The following DDX43 variants were observed in gnomAD, a reference collection of about 807,000 sequenced individuals.
DDX43 encodes the protein DEAD-box helicase 43, also known as probable ATP-dependent RNA helicase DDX43.
DDX43 carries 50 observed loss-of-function variants against 84.9 expected under a neutral mutation model. The observed-to-expected ratio is 0.59, with a 90% CI of 0.47 to 0.75. DDX43 has a LOEUF of 0.75. Ranked by LOEUF, DDX43 falls within the 30% of genes least tolerant of loss-of-function variation. The pLI, the probability that DDX43 is intolerant of heterozygous loss-of-function variation, is 0.00. For synonymous variants in DDX43, 291 were observed against 266.3 expected, an observed-to-expected ratio of 1.09 and a Z score of -0.90; for missense variants, 689 against 798.6, an observed-to-expected ratio of 0.86 and a Z score of 1.65.
At chr6:73,416,984 AG>A (rs1027599029) in intron 16 of DDX43, among the ~76,000 whole-genome samples, 1 of 152,184 alleles carries the variant, frequency 6.6e-6, no homozygotes, top group African/African-American at 2.4e-5. Flanking sequence ...GGTTGCAGTG[AG>A]GTGAGATCGG....
In DDX43 at chr6:73,413,966, T is replaced by C; in HGVS notation, c.1497-4T>C. On this transcript the variant is annotated splice_polypyrimidine_tract_variant and splice_region_variant and intron_variant, in intron 12 of 16. Coordinates refer to ENST00000370336, the MANE Select transcript of DDX43 (RefSeq NM_018665.3). ...AAGAATGCTGAGTTTATCTTTTGCT[T>C]CAGTGCGGATCACTTATCAAGTGAC... is the stretch of plus-strand genomic sequence containing the variant. The C allele has an allele frequency of 6.3e-7, 1 of 1,597,946 alleles. No homozygotes were observed.
chr6:73,409,438 TA>T, intron 10 of DDX43, 90 bp downstream of exon 10: 1 of 1,031,414 alleles, frequency 9.7e-7, no homozygotes, highest in Non-Finnish European at 1.5e-6. Context: ...ATTTGAGCAT[TA>T]CTTGGAAGTG....
intron 7 of DDX43, 127 bp from the exon 8 acceptor site, chr6:73,407,378 C>CA: frequency 1.5e-6 from 1 of 648,356 alleles, no homozygotes; most frequent in Non-Finnish European, 2.7e-6. Flanking sequence ...CTTGGCCTCC[C>CA]AAAGTGCTGA....
At chr6:73,397,388 TGTTGA>T (rs1408729868) in intron 1 of DDX43, among the ~76,000 whole-genome samples, 2 of 152,336 alleles carry the variant, frequency 1.3e-5, no homozygotes, top group South Asian at 2.1e-4. Context: ...AAAACTTATT[TGTTGA>T]GTTGTATGAA....
chr6:73,412,291 T>G lies in DDX43; in HGVS notation c.1367T>G (p.Val456Gly), dbSNP rs200791893. 1.3e-6 allele frequency: 2 copies of G among 1,598,132 alleles called. No individual in the cohort carries two copies. Among genetic ancestry groups the G allele is most frequent in the Admixed American group, 1.8e-5 (1 of 55,548 alleles). ...MIVYVGTLDLVAVSSVKQNII... is the reference protein window; with the variant it reads ...MIVYVGTLDLGAVSSVKQNII... The stretch of plus-strand genomic sequence containing the variant: ...GTCTATGTTGGTACATTGGATCTAG[T>G]TGTAAGCTTTTTTTTATTACTATTG... Residue 456 changes from valine (V) to glycine (G), a missense_variant and splice_region_variant, in exon 11 of 17, where the codon GTT (valine) becomes GGT (glycine). By Grantham distance (109) the Val-to-Gly change is moderately radical. Transcript: ENST00000370336.
In DDX43 at chr6:73,394,895, T is replaced by C. The variant is rs1769429372; in HGVS notation, c.-11T>C. The stretch of plus-strand genomic sequence containing the variant: ...ACGGCAACGACGTCGGACGCGCCCC[T>C]TCTTGGAACAATGTCCCACCACGGA... On this transcript the variant is annotated 5_prime_UTR_variant, in exon 1 of 17. Coordinates refer to ENST00000370336, the MANE Select transcript of DDX43 (RefSeq NM_018665.3). 1 of 1,613,542 alleles carries C rather than the reference T, an allele frequency of 6.2e-7. No homozygotes were observed. Among genetic ancestry groups the C allele is most frequent in the Non-Finnish European group, 8.5e-7 (1 of 1,179,662 alleles).
At chr6:73,395,805 T>G (rs1272865865) in intron 1 of DDX43, among the ~76,000 whole-genome samples, 1 of 152,020 alleles carries the variant, frequency 6.6e-6, no homozygotes, top group East Asian at 1.9e-4. Flanking sequence ...ATGAGTACCA[T>G]TTAGAGCCAG....
At chr6:73,405,909 C>A in intron 6 of DDX43, 74 bp downstream of exon 6, 2 of 1,365,992 alleles carry the variant, frequency 1.5e-6, no homozygotes, top group South Asian at 1.4e-5. Flanking sequence ...TGTTAGAAGA[C>A]TCCAGGGAGC....
chr6:73,412,257 C>G lies in DDX43; in HGVS notation c.1333C>G (p.Pro445Ala). ...CCTCGCACAATCTTATTTGAAAGAA[C>G]CAATGATTGTCTATGTTGGTACATT... Reference protein sequence around the residue: ...HRLAQSYLKEPMIVYVGTLDL... With the variant: ...HRLAQSYLKEAMIVYVGTLDL... Residue 445 changes from proline to alanine, a missense_variant, in exon 11 of 17, where the codon CCA (proline) becomes GCA (alanine). Around this residue, in one of 2 missense-constraint regions of DDX43, gnomAD observed 552 missense variants for 692.7 expected, o/e 0.80. Transcript: ENST00000370336. The G allele has an allele frequency of 6.2e-7, 1 of 1,613,652 alleles. No homozygotes were observed. Among genetic ancestry groups the G allele is most frequent in the Non-Finnish European group, 8.5e-7 (1 of 1,179,844 alleles).
rs576594046 is a variant in DDX43, at chr6:73,412,677, G to A, written c.1368+385G>A. 3.7e-3 allele frequency among the ~76,000 whole-genome samples: 421 copies of A among 114,764 alleles called. 8 individuals are homozygous for A. Among genetic ancestry groups the A allele is most frequent in the Non-Finnish European group, 6.1e-3 (313 of 51,310 alleles). The allele number at this position is 114,764 out of a possible 152,430, so 75.3% of individuals were successfully genotyped here. ...TGTGTGTGTGTGTGTGTGCGCGCGC[G>A]CGTGTGTGTGTGTGCGCGTGCGTGC... On this transcript the variant is annotated intron_variant, in intron 11 of 16. Coordinates refer to ENST00000370336, the MANE Select transcript of DDX43 (RefSeq NM_018665.3).
intron 10 of DDX43, among the ~76,000 whole-genome samples, chr6:73,411,248 T>C (rs773939509): frequency 6.6e-6 from 1 of 150,426 alleles, no homozygotes; most frequent in Non-Finnish European, 1.5e-5. Flanking sequence ...CTATGAAAAA[T>C]TGGAATTTTT....
chr6:73,397,302 A>G lies in DDX43; in HGVS notation c.251-387A>G, dbSNP rs571052515. On this transcript the variant is annotated intron_variant, in intron 1 of 16. Transcript: ENST00000370336. The stretch of plus-strand genomic sequence containing the variant: ...TCGATTTGCGTGGACCTGATTAGTG[A>G]TGTTGAACATCTCATGCCTGTTGGC... 2.0e-5 allele frequency among the ~76,000 whole-genome samples: 3 copies of G among 152,282 alleles called. No homozygotes were observed. The South Asian group carries it at 6.2e-4, about 32-fold the overall frequency.
At chr6:73,399,401 G>C (rs1238775779) in intron 2 of DDX43, among the ~76,000 whole-genome samples, 1 of 152,036 alleles carries the variant, frequency 6.6e-6, no homozygotes, top group East Asian at 1.9e-4. Flanking sequence ...AATTCCTTGA[G>C]TACTCCACCC....
intron 6 of DDX43, 27 bp downstream of exon 6, chr6:73,405,862 C>T (rs1562284355): frequency 6.2e-7 from 1 of 1,603,732 alleles, no homozygotes; most frequent in Non-Finnish European, 8.5e-7. Flanking sequence ...TACAATATTT[C>T]ACTCAATGTT....
chr6:73,400,447 C>A (rs749303498), intron 3 of DDX43, 84 bp downstream of exon 3: 1 of 1,278,100 alleles, frequency 7.8e-7, no homozygotes, highest in Non-Finnish European at 1.1e-6. Context: ...ATTTCACTTT[C>A]TGATTCAAAG....
At position 73,413,745 on chromosome 6, in the gene DDX43, T is replaced by G. The variant is rs61756261; in HGVS notation, c.1456T>G (p.Ser486Ala). Residue 486 changes from serine (S) to alanine (A), a missense_variant, in exon 12 of 17, where the codon TCC becomes GCC. Coordinates refer to ENST00000370336, the MANE Select transcript of DDX43 (RefSeq NM_018665.3). Reference sequence around the variant, plus strand: ...GCAAACTTTTCTACAGAGTATGTCATCCACAGACAAAGTCATTGTCTTCGT... The same window carrying G: ...GCAAACTTTTCTACAGAGTATGTCAGCCACAGACAAAGTCATTGTCTTCGT... ...HMQTFLQSMS[S>A]TDKVIVFVSR... is the part of the protein sequence containing the mutation. The G allele has an allele frequency of 1.4e-5, 22 of 1,613,946 alleles. No individual in the cohort carries two copies. Among genetic ancestry groups the G allele is most frequent in the Non-Finnish European group, 1.9e-5 (22 of 1,179,928 alleles).
chr6:73,399,900 AG>A (rs1253354796), intron 2 of DDX43, among the ~76,000 whole-genome samples: 1 of 152,202 alleles, frequency 6.6e-6, no homozygotes, highest in African/African-American at 2.4e-5. Context: ...TATAGGTTGG[AG>A]ACCTCAGAAT....
rs1206839577 is a variant in DDX43, at chr6:73,406,377, C to G, written c.821C>G (p.Pro274Arg). ...KPTPIQSQAW[P>R]IVLQGIDLIG... ...ATTCCGTTTCAGTCACAGGCATGGC[C>G]CATTGTGTTGCAAGGAATAGATCTT... is the stretch of plus-strand genomic sequence containing the variant. The change falls in exon 7 of 17, where the codon CCC becomes CGC. Residue 274 changes from proline to arginine, a missense_variant. Pro to Arg is a moderately radical substitution (Grantham distance 103). Transcript: ENST00000370336. 1.2e-6 allele frequency: 2 copies of G among 1,609,282 alleles called. No homozygotes were observed. Among genetic ancestry groups the G allele is most frequent in the East Asian group, 4.5e-5 (2 of 44,778 alleles).
chr6:73,408,903 T>C (rs1026427193), intron 9 of DDX43, among the ~76,000 whole-genome samples: 4 of 152,232 alleles, frequency 2.6e-5, no homozygotes, highest in African/African-American at 9.6e-5. Flanking sequence ...TCATTCTCTT[T>C]AGCATGTTGA....
Sources: allele counts gnomAD v4.1 joint callset (sites outside exome capture counted in the v4.1 genomes callset), GRCh38; gene constraint gnomAD v4.1.1; regional missense constraint gnomAD v4.1.1; transcripts MANE v1.5; gene names NCBI Gene and HGNC (gene_info 2026-07-23, HGNC 2026-07-21).